TBL1X: variants seen among roughly 807,000 people sequenced by gnomAD.
TBL1X encodes transducin beta like 1 X-linked.
TBL1X carries 10 observed loss-of-function variants against 50.7 expected under a neutral mutation model. The ratio of observed to expected loss-of-function variants is 0.20; its 90% CI spans 0.12 to 0.33. The LOEUF (loss-of-function observed/expected upper bound fraction) is 0.33, where lower values mean the gene tolerates loss of function less well. TBL1X is among the 10% of genes least tolerant of loss of function. The pLI is 1.00. For synonymous variants in TBL1X, 190 were observed against 214.7 expected (o/e 0.88, Z 1.01); for missense variants, 340 against 504.4 (o/e 0.67, Z 3.12).
intron 2 of TBL1X, among the ~76,000 whole-genome samples, chrX:9,561,623 C>T (rs1374766990): frequency 8.9e-6 from 1 of 111,815 alleles, no homozygotes; most frequent in Non-Finnish European, 1.9e-5. Context: ...ATGGAGGTGG[C>T]GGTTGAAGCA....
intron 8 of TBL1X, 146 bp downstream of exon 8, chrX:9,691,857 T>TA: frequency 3.4e-6 from 3 of 877,582 alleles, no homozygotes; most frequent in Non-Finnish European, 4.7e-6. Context: ...GGTGGCTCTA[T>TA]GAGCCACTTC....
chrX:9,527,427 G>A (rs2082138288), intron 2 of TBL1X, among the ~76,000 whole-genome samples: 1 of 110,811 alleles, frequency 9.0e-6, no homozygotes, highest in Non-Finnish European at 1.9e-5. Flanking sequence ...CCGTATTTAG[G>A]CACTGACCCT....
chrX:9,603,555 TTGGTAA>T (rs1307815695), intron 2 of TBL1X, among the ~76,000 whole-genome samples: 18 of 111,870 alleles, frequency 1.6e-4, no homozygotes, highest in African/African-American at 5.8e-4. Flanking sequence ...CGGGCTGAGC[TTGGTAA>T]CCATCTGGAG....
intron 2 of TBL1X, among the ~76,000 whole-genome samples, chrX:9,515,035 G>A (rs935260958): frequency 2.7e-5 from 3 of 111,200 alleles, no homozygotes; most frequent in Admixed American, 9.6e-5. Flanking sequence ...TACCGCTCAT[G>A]TGTGTATGGG....
chrX:9,500,474 T>TA (rs1216504241), intron 1 of TBL1X, among the ~76,000 whole-genome samples: 1 of 110,401 alleles, frequency 9.1e-6, no homozygotes, highest in Admixed American at 9.6e-5. Context: ...CGGGTTCCTG[T>TA]AATCCCAGCT....
intron 17 of TBL1X, among the ~76,000 whole-genome samples, chrX:9,715,567 A>G (rs143324334): frequency 0.018 from 2,051 of 112,027 alleles, 38 homozygotes; most frequent in African/African-American, 0.061. Flanking sequence ...CAGCAGATAT[A>G]TGGTTATAAT....
intron 2 of TBL1X, among the ~76,000 whole-genome samples, chrX:9,567,505 G>C (rs1391137686): frequency 8.9e-6 from 1 of 111,947 alleles, no homozygotes; most frequent in East Asian, 2.8e-4. Flanking sequence ...CACCCCACAT[G>C]GTTCAGCAGA....
chrX:9,569,607 A>T (rs2082374580), intron 2 of TBL1X, among the ~76,000 whole-genome samples: 1 of 111,980 alleles, frequency 8.9e-6, no homozygotes, highest in African/African-American at 3.2e-5. Context: ...TGGAGGCTGC[A>T]GTGAGCTGTG....
intron 7 of TBL1X, 70 bp from the exon 8 acceptor site, chrX:9,691,509 C>T: frequency 9.6e-7 from 1 of 1,041,487 alleles, no homozygotes; most frequent in East Asian, 3.6e-5. Context: ...TTTCTGGAAA[C>T]AAAAGAGCCC....
At chrX:9,574,745 G>C (rs935057394) in intron 2 of TBL1X, among the ~76,000 whole-genome samples, 6 of 111,477 alleles carry the variant, frequency 5.4e-5, no homozygotes, top group African/African-American at 2.0e-4. Context: ...GGGTGGAACT[G>C]GCCTGTGCTT....
chrX:9,599,211 T>C (rs780320476), intron 2 of TBL1X, among the ~76,000 whole-genome samples: 2 of 111,176 alleles, frequency 1.8e-5, no homozygotes, highest in Non-Finnish European at 3.8e-5. Context: ...CCCAAAGTGT[T>C]AGGATTACAA....
intron 2 of TBL1X, among the ~76,000 whole-genome samples, chrX:9,607,003 T>C (rs2082586948): frequency 8.9e-6 from 1 of 112,635 alleles, no homozygotes. Context: ...AAGAATGTTT[T>C]CTCCAAACAT....
Position 9,717,837 on chromosome X carries a change from G to A in TBL1X, c.*1591G>A, listed in dbSNP as rs575909945. ...TGAACGTGAATTATAGAGGTAGAAC[G>A]TCGCTAATAATTTCTGCCATCTTTA... is the stretch of plus-strand genomic sequence containing the variant. On this transcript the variant is annotated 3_prime_UTR_variant, in exon 18 of 18. Transcript: ENST00000645353. The A allele has an allele frequency of 2.7e-5, 3 of 112,307 alleles. No homozygotes were observed. The highest frequency in any genetic ancestry group is 4.6e-3 in the Middle Eastern group (1 of 217). 9.3% of individuals were successfully genotyped at this position (112,307 alleles called of 1,213,427 possible). A position where few individuals can be genotyped will look rare whatever the true frequency, so the allele number is the denominator to read the frequency against.
chrX:9,688,394 C>G (rs1344762101), intron 7 of TBL1X, 119 bp downstream of exon 7: 1 of 646,429 alleles, frequency 1.5e-6, no homozygotes, highest in Non-Finnish European at 2.2e-6. Flanking sequence ...AAGCTGCTCT[C>G]TAGTGTTTGC....
chrX:9,685,017 G>A (rs1207575190), intron 6 of TBL1X, among the ~76,000 whole-genome samples: 2 of 112,543 alleles, frequency 1.8e-5, no homozygotes, highest in East Asian at 2.8e-4. Context: ...CTCAAGGGAT[G>A]CCTTCATTAC....
intron 8 of TBL1X, among the ~76,000 whole-genome samples, 146 bp from the exon 9 acceptor site, chrX:9,691,958 TGCAAAGATG>T (rs1461982704): frequency 9.0e-6 from 1 of 111,567 alleles, no homozygotes; most frequent in Non-Finnish European, 1.9e-5. Context: ...AATTACCAAA[TGCAAAGATG>T]GCAAAGAGGG....
chrX:9,597,379 T>C (rs1282246441), intron 2 of TBL1X, among the ~76,000 whole-genome samples: 1 of 112,013 alleles, frequency 8.9e-6, no homozygotes, highest in Non-Finnish European at 1.9e-5. Flanking sequence ...TAGTGGTCTG[T>C]TTCAGAAGAC....
At chrX:9,681,756 T>A (rs1272980068) in intron 5 of TBL1X, among the ~76,000 whole-genome samples, 1 of 112,977 alleles carries the variant, frequency 8.9e-6, no homozygotes, top group Non-Finnish European at 1.9e-5. Context: ...AGATACTGTT[T>A]CATGGTGGCT....
At chrX:9,692,373 C>A in intron 9 of TBL1X, 119 bp downstream of exon 9, 1 of 919,565 alleles carries the variant, frequency 1.1e-6, no homozygotes, top group African/African-American at 2.0e-5. Flanking sequence ...GTGTGCTCAG[C>A]CCCCACTCTG....
Sources: gnomAD v4.1 joint callset for allele counts (sites outside exome capture counted in the v4.1 genomes callset) on GRCh38, gnomAD v4.1.1 for gene constraint, MANE v1.5 for transcripts, NCBI Gene and HGNC (gene_info 2026-07-23, HGNC 2026-07-21) for gene names.